Variants in PIGT observed in about 807,000 individuals in gnomAD.
The protein encoded by PIGT is GPI-anchor transamidase component PIGT.
A neutral mutation model predicts 66.7 loss-of-function variants in PIGT; 57 were observed. The ratio of observed to expected loss-of-function variants is 0.86; its 90% CI spans 0.69 to 1.07. PIGT has a LOEUF of 1.07. Ranked by LOEUF, PIGT falls within the 50% of genes least tolerant of loss-of-function variation. PIGT has a pLI of 0.00. For missense variants in PIGT, 725 were observed against 740.4 expected, an observed-to-expected ratio of 0.98 and a Z score of 0.24; for synonymous variants, 362 against 320.5, an observed-to-expected ratio of 1.13 and a Z score of -1.38.
intron 9 of PIGT, chr20:45,422,420 A>G (rs1273105139): frequency 6.6e-6 from 1 of 151,538 alleles, no homozygotes; most frequent in South Asian, 2.1e-4. Context: ...GAATAGTGTA[A>G]TAATCCCCTG....
chr20:45,425,637 C>T lies in PIGT; in HGVS notation c.1548C>T (p.Asn516=). 6.2e-7 allele frequency: 1 copy of T among 1,614,118 alleles called. No individual in the cohort carries two copies. Among genetic ancestry groups the T allele is most frequent in the South Asian group, 1.1e-5 (1 of 91,080 alleles). Residue 516 remains asparagine, a synonymous_variant, in exon 12 of 12, where the codon AAC becomes AAT. Coordinates refer to ENST00000279036, the MANE Select transcript of PIGT (RefSeq NM_015937.6). ...VRLYTEPLLV[N]LPTPDFSMPY... ...TCTACACGGAGCCGCTGCTGGTGAACCTGCCGACACCGGACTTCAGCATGC... is the reference window on the plus strand; with the variant it reads ...TCTACACGGAGCCGCTGCTGGTGAATCTGCCGACACCGGACTTCAGCATGC...
rs1990193647 is a variant in PIGT at position 45,419,343 on chromosome 20, T to A, written c.542T>A (p.Val181Asp). Reference sequence around the variant, plus strand: ...TATGCTGTGCTGCCGCGGGAGGTGGTCTGCACCGAAAACCTCACCCCCTGG... The same window carrying A: ...TATGCTGTGCTGCCGCGGGAGGTGGACTGCACCGAAAACCTCACCCCCTGG... ...LRYAVLPREV[V>D]CTENLTPWKK... is the part of the protein sequence containing the mutation. The change falls in exon 4 of 12, where the codon GTC (valine) becomes GAC (aspartate). Residue 181 changes from valine (V) to aspartate (D), a missense_variant. This residue lies in a region of PIGT where 559 missense variants were observed against 552.7 expected (regional missense o/e 1.01). Transcript: ENST00000279036. 1.2e-6 allele frequency: 2 copies of A among 1,614,112 alleles called. No individual in the cohort carries two copies. Among genetic ancestry groups the A allele is most frequent in the African/African-American group, 1.3e-5 (1 of 75,036 alleles).
Position 45,424,643 on chromosome 20 carries a change from A to T in PIGT, c.1484+64A>T, listed in dbSNP as rs373288629. On this transcript the variant is annotated intron_variant, in intron 11 of 11. Transcript: ENST00000279036. ...TGCCTGCTGGGCCTTAACACAGGTGACCAGGCTCCTGCAGGGGAGTTCAGG... is the reference window on the plus strand; with the variant it reads ...TGCCTGCTGGGCCTTAACACAGGTGTCCAGGCTCCTGCAGGGGAGTTCAGG... 2.1e-4 allele frequency: 273 copies of T among 1,284,984 alleles called. No individual in the cohort carries two copies. The African/African-American group carries it at 3.5e-3, about 17-fold the overall frequency. 79.6% of individuals were successfully genotyped at this position (1,284,984 alleles called of 1,614,324 possible).
At chr20:45,424,470 C>CG (rs1990584915) in intron 10 of PIGT, 26 bp from the exon 11 acceptor site, 1 of 1,612,464 alleles carries the variant, frequency 6.2e-7, no homozygotes, top group African/African-American at 1.3e-5. Flanking sequence ...GATGGGAACA[C>CG]GGGCCATCTC....
intron 11 of PIGT, chr20:45,425,135 T>TTCTC (rs1330084984): frequency 1.4e-5 from 2 of 140,546 alleles, no homozygotes; most frequent in African/African-American, 5.6e-5. Flanking sequence ...CTCTCTTTCT[T>TTCTC]TCTTTCTCTT....
At position 45,416,665 on chromosome 20, in the gene PIGT, G is replaced by A. The variant is rs1051525043; in HGVS notation, c.336G>A (p.Leu112=). The change falls in exon 2 of 12, where the codon CTG becomes CTA. Residue 112 remains leucine, a synonymous_variant. Transcript: ENST00000279036. The part of the protein sequence containing the change: ...PFLQAPSGAE[L]WVWFQDTVTD... ...TGCAGGCCCCATCAGGTGCAGAGCT[G>A]TGGGTCTGGTTCCAAGACACTGTCA... 6.2e-7 allele frequency: 1 copy of A among 1,613,844 alleles called. No individual in the cohort carries two copies. The highest frequency in any genetic ancestry group is 8.5e-7 in the Non-Finnish European group (1 of 1,179,954).
At chr20:45,416,464 G>C in intron 1 of PIGT, 53 bp from the exon 2 acceptor site, 1 of 1,590,122 alleles carries the variant, frequency 6.3e-7, no homozygotes. Flanking sequence ...GGGATCCTGG[G>C]TGTGGACCCC....
intron 5 of PIGT, 189 bp from the exon 6 acceptor site, chr20:45,419,947 A>G (rs1600810210): frequency 3.3e-6 from 2 of 608,190 alleles, no homozygotes; most frequent in East Asian, 5.5e-5. Flanking sequence ...GTGATAGTTT[A>G]TCAAACTGAT....
rs758163445 is a variant in PIGT, at chr20:45,420,643, A to G, written c.983A>G (p.Asn328Ser). ...YDLLDTAMIN[N>S]SRNLNIQLKW... is the part of the protein sequence containing the mutation. Reference sequence around the variant, plus strand: ...TTGCTTGACACCGCCATGATCAACAACTCTCGAAACCTCAACATCCAGCTC... The same window carrying G: ...TTGCTTGACACCGCCATGATCAACAGCTCTCGAAACCTCAACATCCAGCTC... Residue 328 changes from asparagine to serine, a missense_variant, in exon 8 of 12, where the codon AAC (asparagine) becomes AGC (serine). By Grantham distance (46) the Asn-to-Ser change is conservative. This residue lies in a region of PIGT where 559 missense variants were observed against 552.7 expected (regional missense o/e 1.01). Coordinates refer to ENST00000279036, the MANE Select transcript of PIGT (RefSeq NM_015937.6). The G allele has an allele frequency of 5.6e-6, 9 of 1,613,554 alleles. No individual in the cohort carries two copies. Among genetic ancestry groups the G allele is most frequent in the East Asian group, 2.2e-5 (1 of 44,752 alleles).
rs1990211894 is a variant in PIGT at position 45,419,495 on chromosome 20, C to T, written c.595-9C>T. On this transcript the variant is annotated splice_polypyrimidine_tract_variant and intron_variant, in intron 4 of 11. Coordinates refer to ENST00000279036, the MANE Select transcript of PIGT (RefSeq NM_015937.6). ...CAGGGCTTCTCTTATCTCTTTCCAT[C>T]TCCTCCAGGCAGGCCTCTCTGTGCT... 1.2e-6 allele frequency: 2 copies of T among 1,614,004 alleles called. No homozygotes were observed. The highest frequency in any genetic ancestry group is 1.7e-6 in the Non-Finnish European group (2 of 1,179,956).
Position 45,421,304 on chromosome 20 carries a change from T to G in PIGT, c.1034-79T>G. On this transcript the variant is annotated intron_variant, in intron 8 of 11. Transcript: ENST00000279036. ...CCATCTACTCACTGGCTTGGGACTC[T>G]GAACATGGCCTGGGCAGGTGGGGTG... 9.2e-6 allele frequency: 12 copies of G among 1,298,440 alleles called. No homozygotes were observed. The South Asian group carries it at 1.6e-4, about 17-fold the overall frequency. 80.4% of individuals were successfully genotyped at this position (1,298,440 alleles called of 1,614,324 possible). A position where few individuals can be genotyped will look rare whatever the true frequency, so the allele number is the denominator to read the frequency against.
At position 45,426,170 on chromosome 20, in the gene PIGT, T is replaced by C. The variant is rs754962948; in HGVS notation, c.*344T>C. ...CAGCACTGGCCAAGGTGATGGGGTG[T>C]GCTACACAGTGTATGTCACTGTGTA... On this transcript the variant is annotated 3_prime_UTR_variant, in exon 12 of 12. Coordinates refer to ENST00000279036, the MANE Select transcript of PIGT (RefSeq NM_015937.6). The C allele has an allele frequency of 2.2e-5, 8 of 359,142 alleles. No homozygotes were observed. The highest frequency in any genetic ancestry group is 3.6e-5 in the Non-Finnish European group (7 of 193,170). 22.2% of individuals were successfully genotyped at this position (359,142 alleles called of 1,614,324 possible). A position where few individuals can be genotyped will look rare whatever the true frequency, so the allele number is the denominator to read the frequency against.
intron 2 of PIGT, chr20:45,418,619 A>C (rs985053559): frequency 2.0e-6 from 1 of 493,342 alleles, no homozygotes; most frequent in African/African-American, 2.0e-5. Context: ...CTGAGCAGAG[A>C]CCCATGGGGA....
chr20:45,416,659 A>G lies in PIGT; in HGVS notation c.330A>G (p.Ala110=), dbSNP rs897714473. 1 of 1,614,024 alleles carries G rather than the reference A, an allele frequency of 6.2e-7. No homozygotes were observed. The highest frequency in any genetic ancestry group is 1.3e-5 in the African/African-American group (1 of 75,056). The change falls in exon 2 of 12, where the codon GCA becomes GCG. Residue 110 remains alanine, a synonymous_variant. Coordinates refer to ENST00000279036, the MANE Select transcript of PIGT (RefSeq NM_015937.6). ...CCTTCCTGCAGGCCCCATCAGGTGC[A>G]GAGCTGTGGGTCTGGTTCCAAGACA... ...GPPFLQAPSG[A]ELWVWFQDTV... is the part of the protein sequence containing the mutation.
intron 8 of PIGT, 175 bp from the exon 9 acceptor site, chr20:45,421,208 G>C (rs749929504): frequency 6.6e-6 from 4 of 609,008 alleles, no homozygotes; most frequent in Non-Finnish European, 1.2e-5. Context: ...TGTCATCATC[G>C]CTTGTTGGCT....
At chr20:45,419,885 T>G in intron 5 of PIGT, 1 of 600,222 alleles carries the variant, frequency 1.7e-6, no homozygotes, top group African/African-American at 1.9e-5. Context: ...CTGAGCTTGG[T>G]TTCCCACCCT....
rs1292479829 is a variant in PIGT, at chr20:45,420,438, G to A, written c.867+9G>A. 1.2e-6 allele frequency: 2 copies of A among 1,612,154 alleles called. No individual in the cohort carries two copies. Among genetic ancestry groups the A allele is most frequent in the South Asian group, 1.1e-5 (1 of 90,928 alleles). ...TCACCACCTACAACCAGGTAACAAG[G>A]TCTCCAGCCACACACACAAACACAC... On this transcript the variant is annotated intron_variant, in intron 7 of 11. Coordinates refer to ENST00000279036, the MANE Select transcript of PIGT (RefSeq NM_015937.6).
chr20:45,425,125 CTCTCTT>C (rs1990627014), intron 11 of PIGT: 1 of 107,410 alleles, frequency 9.3e-6, no homozygotes, highest in South Asian at 2.5e-4. Context: ...TTTCCTTTCT[CTCTCTT>C]TCTTTCTTTC....
intron 2 of PIGT, chr20:45,417,479 G>A (rs1305499085): frequency 6.6e-6 from 1 of 152,142 alleles, no homozygotes; most frequent in Non-Finnish European, 1.5e-5. Flanking sequence ...GCCTAATGTG[G>A]TCAGAGTCAA....
Sources: allele counts gnomAD v4.1 joint callset, GRCh38; gene constraint gnomAD v4.1.1; regional missense constraint gnomAD v4.1.1; transcripts MANE v1.5; gene names NCBI Gene and HGNC (gene_info 2026-07-23, HGNC 2026-07-21).